Variants in GRAMD4 observed in about 807,000 individuals in gnomAD.
GRAMD4 encodes the protein GRAM domain-containing protein 4.
GRAMD4 carries 25 observed loss-of-function variants against 83.9 expected under a neutral mutation model. That is an observed-to-expected ratio of 0.30 (90% CI 0.22 to 0.42). GRAMD4 has a LOEUF of 0.42. Ranked by LOEUF, GRAMD4 falls within the 10% of genes least tolerant of loss-of-function variation. GRAMD4 has a pLI of 1.00. For synonymous variants in GRAMD4, 336 were observed against 320.9 expected, an observed-to-expected ratio of 1.05 and a Z score of -0.50; for missense variants, 593 against 788.7, an observed-to-expected ratio of 0.75 and a Z score of 2.97.
intron 3 of GRAMD4, among the ~76,000 whole-genome samples, chr22:46,648,935 C>CATGG (rs57053112): frequency 0.013 from 608 of 45,446 alleles, 41 homozygotes; most frequent in East Asian, 0.018. Context: ...TGGATGGATG[C>CATGG]ATGGATGGAT....
At chr22:46,587,914 C>G in intron 1 of GRAMD4, 2 of 985,344 alleles carry the variant, frequency 2.0e-6, no homozygotes, top group Non-Finnish European at 2.4e-6. Context: ...TCCTGATCCT[C>G]CCCGTCTGGG....
At chr22:46,640,634 G>A (rs1245124289) in intron 3 of GRAMD4, among the ~76,000 whole-genome samples, 1 of 152,146 alleles carries the variant, frequency 6.6e-6, no homozygotes, top group Non-Finnish European at 1.5e-5. Flanking sequence ...GACAGCCTGT[G>A]GGGTGGTGAG....
chr22:46,663,012 G>A, intron 5 of GRAMD4, 28 bp from the exon 6 acceptor site: 3 of 1,582,192 alleles, frequency 1.9e-6, no homozygotes, highest in Non-Finnish European at 1.7e-6. Context: ...GCCCTGCCGT[G>A]CCCTCACCGG....
At chr22:46,585,395 G>A (rs2081139765) in intron 1 of GRAMD4, among the ~76,000 whole-genome samples, 1 of 152,098 alleles carries the variant, frequency 6.6e-6, no homozygotes, top group African/African-American at 2.4e-5. Context: ...TCTCCATGTT[G>A]GTCAGGCTGG....
rs1375453770 is a variant in GRAMD4 at position 46,679,086 on chromosome 22, C to G, written c.*1835C>G. On this transcript the variant is annotated 3_prime_UTR_variant, in exon 19 of 19. Coordinates refer to ENST00000406902, the MANE Select transcript of GRAMD4 (RefSeq NM_015124.5). ...CGCCTGAGGCAACACAGGGTGGGCA[C>G]TGACCCACCCCCAGGGGCGGCTGCA... 1 of 985,470 alleles carries G rather than the reference C, an allele frequency of 1.0e-6. No individual in the cohort carries two copies. Among genetic ancestry groups the G allele is most frequent in the Non-Finnish European group, 1.2e-6 (1 of 829,976 alleles). The allele number at this position is 985,470 out of a possible 1,614,324, so 61.0% of individuals were successfully genotyped here.
chr22:46,607,376 A>T (rs2081376035), intron 1 of GRAMD4, among the ~76,000 whole-genome samples: 2 of 152,180 alleles, frequency 1.3e-5, no homozygotes, highest in Non-Finnish European at 2.9e-5. Context: ...AATAGTCGCC[A>T]ATAGTTATGG....
upstream of GRAMD4, among the ~76,000 whole-genome samples, chr22:46,576,568 G>A (rs988331978): frequency 6.6e-6 from 1 of 152,224 alleles, no homozygotes; most frequent in Non-Finnish European, 1.5e-5. Context: ...GGATGGGCGC[G>A]CCAGGTACTG....
In GRAMD4 at chr22:46,679,399, C is replaced by G. The variant is rs926689541; in HGVS notation, c.*2148C>G. 3 of 985,350 alleles carry G rather than the reference C, an allele frequency of 3.0e-6. No individual in the cohort carries two copies. The African/African-American group carries it at 5.2e-5, about 17-fold the overall frequency. The allele number at this position is 985,350 out of a possible 1,614,324, so 61.0% of individuals were successfully genotyped here. A position where few individuals can be genotyped will look rare whatever the true frequency, so the allele number is the denominator to read the frequency against. On this transcript the variant is annotated 3_prime_UTR_variant, in exon 19 of 19. Coordinates refer to ENST00000406902, the MANE Select transcript of GRAMD4 (RefSeq NM_015124.5). ...GGGGAGCGGGGGGTCGGGGGAGGGCCACCGACTGGCTCTGCTGCCAGCACA... is the reference window on the plus strand; with the variant it reads ...GGGGAGCGGGGGGTCGGGGGAGGGCGACCGACTGGCTCTGCTGCCAGCACA...
At chr22:46,668,559 G>GC in intron 11 of GRAMD4, 130 bp from the exon 12 acceptor site, 1 of 862,358 alleles carries the variant, frequency 1.2e-6, no homozygotes, top group Admixed American at 1.7e-5. Context: ...CGGCCTAGGA[G>GC]CAGCCGGGCA....
chr22:46,644,310 ACCTGCC>A (rs1387906921), intron 3 of GRAMD4, among the ~76,000 whole-genome samples: 2 of 151,554 alleles, frequency 1.3e-5, no homozygotes, highest in African/African-American at 4.9e-5. Flanking sequence ...TCCGTGTTAC[ACCTGCC>A]CCTGTTCCGT....
rs2082294731 is a variant in GRAMD4, at chr22:46,659,338, A to C, written c.404+1031A>C. 7.1e-6 allele frequency among the ~76,000 whole-genome samples: 1 copy of C among 140,512 alleles called. No individual in the cohort carries two copies. The highest frequency in any genetic ancestry group is 2.7e-5 in the African/African-American group (1 of 37,112). The allele number at this position is 140,512 out of a possible 152,430, so 92.2% of individuals were successfully genotyped here. ...CAGACTCCACTCCCTCAGCCTCCCCACTCAGGTTCCACTCAGCCTCCCTCC... is the reference window on the plus strand; with the variant it reads ...CAGACTCCACTCCCTCAGCCTCCCCCCTCAGGTTCCACTCAGCCTCCCTCC... On this transcript the variant is annotated intron_variant, in intron 4 of 18. Transcript: ENST00000406902. The surrounding 1 kb of genome is among the most constrained non-coding windows in gnomAD (Gnocchi z 4.1).
In GRAMD4 at chr22:46,622,685, G is replaced by A. The variant is rs563267577; in HGVS notation, c.-50+2120G>A. 7.2e-5 allele frequency among the ~76,000 whole-genome samples: 11 copies of A among 152,240 alleles called. No individual in the cohort carries two copies. The highest frequency in any genetic ancestry group is 2.4e-4 in the African/African-American group (10 of 41,556). The stretch of plus-strand genomic sequence containing the variant: ...TCCCAGCACTTTGGGAGGCCGAGGC[G>A]GGTGGATCACGAGGTCAGGAGATTG... On this transcript the variant is annotated intron_variant, in intron 1 of 18. Transcript: ENST00000406902. The surrounding 1 kb of genome is among the most constrained non-coding windows in gnomAD (Gnocchi z 4.0).
upstream of GRAMD4, among the ~76,000 whole-genome samples, chr22:46,615,544 T>A (rs1257900132): frequency 7.4e-6 from 1 of 134,732 alleles, no homozygotes; most frequent in Non-Finnish European, 1.6e-5. Flanking sequence ...TAGGTTCCCC[T>A]GTGTGTAGGT....
At chr22:46,584,388 G>A (rs970858343) in intron 1 of GRAMD4, among the ~76,000 whole-genome samples, 2 of 152,228 alleles carry the variant, frequency 1.3e-5, no homozygotes, top group Non-Finnish European at 1.5e-5. Flanking sequence ...GCCTGTGTCC[G>A]CGTGTAGCCT....
chr22:46,576,553 C>T (rs2081043689), upstream of GRAMD4, among the ~76,000 whole-genome samples: 8 of 152,324 alleles, frequency 5.3e-5, no homozygotes, highest in South Asian at 1.7e-3. Flanking sequence ...ACCCCGGGCA[C>T]CTTGGGATGG....
At chr22:46,632,290 C>G (rs976656989) in intron 2 of GRAMD4, among the ~76,000 whole-genome samples, 2 of 152,128 alleles carry the variant, frequency 1.3e-5, no homozygotes, top group African/African-American at 4.8e-5. Flanking sequence ...AGGAGGTGGG[C>G]ATGCTTAGGG....
intron 17 of GRAMD4, among the ~76,000 whole-genome samples, chr22:46,676,238 C>T (rs1404708630): frequency 3.9e-5 from 6 of 152,206 alleles, no homozygotes; most frequent in Non-Finnish European, 7.3e-5. Context: ...GGGTCCTTTC[C>T]GCCTGCCTCT....
chr22:46,624,279 A>T (rs182433791), intron 1 of GRAMD4, among the ~76,000 whole-genome samples: 1 of 112,858 alleles, frequency 8.9e-6, no homozygotes, highest in African/African-American at 3.5e-5. Context: ...AGACTCTTCC[A>T]TCTTCTTCTC....
upstream of GRAMD4, chr22:46,620,239 C>T: frequency 1.1e-6 from 1 of 877,472 alleles, no homozygotes; most frequent in Non-Finnish European, 1.4e-6. The surrounding 1 kb of genome is among the most constrained non-coding windows in gnomAD (Gnocchi z 4.7). Context: ...GTTTCCAGAG[C>T]AGCATGCTTT....
Sources: gnomAD v4.1 joint callset for allele counts (sites outside exome capture counted in the v4.1 genomes callset) on GRCh38, gnomAD v4.1.1 for gene constraint, Gnocchi (gnomAD v3.1) non-coding constraint, MANE v1.5 for transcripts, NCBI Gene and HGNC (gene_info 2026-07-23, HGNC 2026-07-21) for gene names.